The following PKP1 variants were observed in gnomAD, a reference collection of about 807,000 sequenced individuals.
PKP1 encodes the protein plakophilin 1, also known as plakophilin-1.
In PKP1, 27 loss-of-function variants were observed where a neutral mutation model predicts 76.4. That is an observed-to-expected ratio of 0.35 (90% CI 0.26 to 0.49). The LOEUF (loss-of-function observed/expected upper bound fraction) is 0.49, where lower values mean the gene tolerates loss of function less well. Ranked by LOEUF, PKP1 falls within the 20% of genes least tolerant of loss-of-function variation. The pLI is 0.99. For synonymous variants in PKP1, 404 were observed against 384.2 expected, an observed-to-expected ratio of 1.05 and a Z score of -0.60; for missense variants, 964 against 955.2, an observed-to-expected ratio of 1.01 and a Z score of -0.12.
At chr1:201,313,792 T>C (rs1375837128) in intron 3 of PKP1, among the ~76,000 whole-genome samples, 1 of 152,232 alleles carries the variant, frequency 6.6e-6, no homozygotes, top group African/African-American at 2.4e-5. Context: ...ATTGACTGTG[T>C]AGGTTTTAAA....
At chr1:201,286,046 T>C (rs1655723909) in intron 1 of PKP1, among the ~76,000 whole-genome samples, 1 of 152,232 alleles carries the variant, frequency 6.6e-6, no homozygotes, top group Non-Finnish European at 1.5e-5. Flanking sequence ...TTTATCTGGC[T>C]TAGTTTTCAT....
rs1322823530 is a variant in PKP1 at position 201,313,395 on chromosome 1, C to G, written c.536C>G (p.Thr179Ser). The G allele has an allele frequency of 3.8e-6, 6 of 1,583,706 alleles. No homozygotes were observed. Among genetic ancestry groups the G allele is most frequent in the African/African-American group, 1.3e-5 (1 of 74,498 alleles). Reference protein sequence around the residue: ...KGTLGSKGQKTTQNRYSFYST... With the variant: ...KGTLGSKGQKSTQNRYSFYST... The stretch of plus-strand genomic sequence containing the variant: ...ACGCTGGGCAGCAAGGGCCAGAAGA[C>G]CACCCAGAACCGCTACAGCTTTTAC... Residue 179 changes from threonine to serine, a missense_variant, in exon 3 of 14, where the codon ACC (threonine) becomes AGC (serine). Transcript: ENST00000367324.
intron 1 of PKP1, among the ~76,000 whole-genome samples, chr1:201,286,432 G>C (rs1279815542): frequency 6.6e-6 from 1 of 152,180 alleles, no homozygotes; most frequent in Non-Finnish European, 1.5e-5. Context: ...AGCCATCCTT[G>C]GTCCTGTGAT....
At chr1:201,284,782 C>T (rs1372562642) in intron 1 of PKP1, among the ~76,000 whole-genome samples, 1 of 152,110 alleles carries the variant, frequency 6.6e-6, no homozygotes, top group Non-Finnish European at 1.5e-5. Flanking sequence ...GTTGGAAATC[C>T]CCCCGGGCCC....
At chr1:201,287,073 C>T (rs1441908346) in intron 1 of PKP1, among the ~76,000 whole-genome samples, 1 of 152,226 alleles carries the variant, frequency 6.6e-6, no homozygotes, top group Non-Finnish European at 1.5e-5. Flanking sequence ...GCACCATTGC[C>T]TGCTTTGTCT....
At chr1:201,292,511 C>T (rs1427604937) in intron 1 of PKP1, among the ~76,000 whole-genome samples, 1 of 152,142 alleles carries the variant, frequency 6.6e-6, no homozygotes, top group African/African-American at 2.4e-5. Flanking sequence ...GGTGACCTGG[C>T]GCTGGACAGG....
At position 201,325,103 on chromosome 1, in the gene PKP1, A is replaced by G; in HGVS notation, c.1997A>G (p.Asn666Ser). ...KQYFSSSMLN[N>S]IINLCRSSAS... ...TACTTCTCCAGCAGCATGCTCAACA[A>G]CATCATCAACCTGTGCCGAAGCAGG... is the stretch of plus-strand genomic sequence containing the variant. The change falls in exon 11 of 14, where the codon AAC becomes AGC. Residue 666 changes from asparagine to serine, a missense_variant. Coordinates refer to ENST00000367324, the MANE Select transcript of PKP1 (RefSeq NM_001005337.3). 1 of 1,613,804 alleles carries G rather than the reference A, an allele frequency of 6.2e-7. No homozygotes were observed. The highest frequency in any genetic ancestry group is 8.5e-7 in the Non-Finnish European group (1 of 1,179,986).
At chr1:201,313,145 T>G (rs774191860) in intron 2 of PKP1, 21 bp from the exon 3 acceptor site, 1 of 1,608,454 alleles carries the variant, frequency 6.2e-7, no homozygotes, top group Non-Finnish European at 8.5e-7. Context: ...TGACTGAGCT[T>G]TTCTCCCTTT....
chr1:201,320,149 C>A, intron 6 of PKP1, 118 bp from the exon 7 acceptor site: 1 of 739,916 alleles, frequency 1.4e-6, no homozygotes, highest in Non-Finnish European at 2.4e-6. Context: ...CCTCTCTGCC[C>A]TCCCCTCTCC....
At position 201,328,829 on chromosome 1, in the gene PKP1, G is replaced by T; in HGVS notation, c.2174G>T (p.Arg725Leu). ...GANSLRNFTS[R>L]F is the part of the protein sequence containing the mutation. ...AACAGCCTCAGGAACTTCACCTCCC[G>T]ATTCTAAGAAGAGACTGTCCAAGCA... Residue 725 changes from arginine (R) to leucine (L), a missense_variant, in exon 13 of 14, where the codon CGA becomes CTA. By Grantham distance (102) the Arg-to-Leu change is moderately radical. Transcript: ENST00000367324. 6.2e-7 allele frequency: 1 copy of T among 1,613,634 alleles called. No individual in the cohort carries two copies. The highest frequency in any genetic ancestry group is 2.2e-5 in the East Asian group (1 of 44,880).
rs2239845 is a variant in PKP1 at position 201,323,360 on chromosome 1, C to T, written c.1680+171C>T. Among the ~76,000 whole-genome samples the T allele has an allele frequency of 0.62, 93,995 of 151,962 alleles. 30,165 individuals are homozygous for T. Among genetic ancestry groups the T allele is most frequent in the East Asian group, 0.76 (3,899 of 5,144 alleles). Reference sequence around the variant, plus strand: ...GCTGGGCAATGGGGAAACACTCCTGCCCTTTAGGAGCTGCTGGGGGATGCA... The same window carrying T: ...GCTGGGCAATGGGGAAACACTCCTGTCCTTTAGGAGCTGCTGGGGGATGCA... On this transcript the variant is annotated intron_variant, in intron 9 of 13. Coordinates refer to ENST00000367324, the MANE Select transcript of PKP1 (RefSeq NM_001005337.3).
At position 201,313,175 on chromosome 1, in the gene PKP1, G is replaced by A. The variant is rs766071375; in HGVS notation, c.316G>A (p.Gly106Arg). The A allele has an allele frequency of 6.2e-7, 1 of 1,610,054 alleles. No homozygotes were observed. The highest frequency in any genetic ancestry group is 8.5e-7 in the Non-Finnish European group (1 of 1,178,660). Residue 106 changes from glycine to arginine, a missense_variant, in exon 3 of 14, where the codon GGA becomes AGA. Coordinates refer to ENST00000367324, the MANE Select transcript of PKP1 (RefSeq NM_001005337.3). ...CCCTTTCCCTGGCCAGATCTACAAT[G>A]GAACCCTCAAGCGGGAGCCTGACAA... ...NGSWGYPIYN[G>R]TLKREPDNRR... is the part of the protein sequence containing the mutation.
At chr1:201,296,808 A>G (rs76236850) in intron 2 of PKP1, among the ~76,000 whole-genome samples, 2,103 of 152,352 alleles carry the variant, frequency 0.014, 49 homozygotes, top group African/African-American at 0.048. Context: ...TTCAGGAGCC[A>G]GACAAGAAAA....
Position 201,320,230 on chromosome 1 carries a change from C to T in PKP1, c.1233-37C>T, listed in dbSNP as rs1480232370. 10 of 1,362,306 alleles carry T rather than the reference C, an allele frequency of 7.3e-6. No homozygotes were observed. The Admixed American group carries it at 1.4e-4, about 18-fold the overall frequency. The allele number at this position is 1,362,306 out of a possible 1,614,324, so 84.4% of individuals were successfully genotyped here. ...CCACCTTCCCCGTTCTCTCTTCCCC[C>T]TTTCTCTGCCCTCTTCCACCCTCTT... On this transcript the variant is annotated intron_variant, in intron 6 of 13. Coordinates refer to ENST00000367324, the MANE Select transcript of PKP1 (RefSeq NM_001005337.3).
At chr1:201,301,183 G>A (rs1425172444) in intron 2 of PKP1, among the ~76,000 whole-genome samples, 1 of 152,182 alleles carries the variant, frequency 6.6e-6, no homozygotes, top group Non-Finnish European at 1.5e-5. Context: ...GTGGACCCTT[G>A]TAGAGGAATG....
intron 9 of PKP1, 21 bp from the exon 10 acceptor site, chr1:201,324,407 C>T: frequency 6.2e-7 from 1 of 1,613,926 alleles, no homozygotes; most frequent in African/African-American, 1.3e-5. Flanking sequence ...GCTAGCTCAT[C>T]ATCTACTCCT....
chr1:201,301,859 T>C (rs1440739230), intron 2 of PKP1, among the ~76,000 whole-genome samples: 1 of 152,028 alleles, frequency 6.6e-6, no homozygotes, highest in Non-Finnish European at 1.5e-5. Context: ...AATTAAAAGC[T>C]AAATTTTGCA....
intron 1 of PKP1, among the ~76,000 whole-genome samples, chr1:201,292,783 C>T (rs1655956048): frequency 6.6e-6 from 1 of 152,232 alleles, no homozygotes; most frequent in African/African-American, 2.4e-5. Context: ...GAGGCTCTCA[C>T]TGGATCCCAC....
intron 6 of PKP1, 110 bp downstream of exon 6, chr1:201,318,905 G>A (rs983560666): frequency 4.0e-5 from 37 of 915,430 alleles, no homozygotes; most frequent in South Asian, 8.5e-5. Context: ...CAGACAACCC[G>A]GCACTCCCTC....
Sources: allele counts gnomAD v4.1 joint callset (sites outside exome capture counted in the v4.1 genomes callset), GRCh38; gene constraint gnomAD v4.1.1; transcripts MANE v1.5; gene names NCBI Gene and HGNC (gene_info 2026-07-23, HGNC 2026-07-21).